Variants in TAOK1 observed in about 807,000 individuals in gnomAD.
TAOK1 encodes the protein TAO kinase 1, also known as serine/threonine-protein kinase TAO1.
Under a neutral mutation model 138.3 loss-of-function variants are expected in TAOK1, and 21 were observed. The observed-to-expected ratio is 0.15, with a 90% CI of 0.11 to 0.22. TAOK1 has a LOEUF of 0.22. Among genes scored for constraint, TAOK1 ranks in the 10% least tolerant of loss-of-function variants. TAOK1 has a pLI of 1.00. For missense variants in TAOK1, 651 were observed against 1,227.7 expected (o/e 0.53, Z 7.02); for synonymous variants, 361 against 398.4 (o/e 0.91, Z 1.12).
At chr17:29,395,824 A>ATTTTTTTTTTTTTTTTTT (rs1187461666) in intron 1 of TAOK1, among the ~76,000 whole-genome samples, 3 of 72,102 alleles carry the variant, frequency 4.2e-5, no homozygotes, top group African/African-American at 1.9e-4. Flanking sequence ...CGTCTGGCTA[A>ATTTTTTTTTTTTTTTTTT]TTTTTTTTTT....
chr17:29,477,298 A>G (rs186655614), intron 4 of TAOK1, among the ~76,000 whole-genome samples: 109 of 152,192 alleles, frequency 7.2e-4, no homozygotes, highest in African/African-American at 2.6e-3. Context: ...ATAGGTTTGT[A>G]GTAATGGAAT....
chr17:29,467,063 T>TTC, intron 2 of TAOK1, 82 bp from the exon 3 acceptor site: 1 of 1,057,278 alleles, frequency 9.5e-7, no homozygotes, highest in Non-Finnish European at 1.3e-6. Context: ...AGTTTACAAA[T>TTC]GCTTTTATAT....
chr17:29,439,020 T>C (rs908255727), intron 1 of TAOK1, among the ~76,000 whole-genome samples: 4 of 152,154 alleles, frequency 2.6e-5, no homozygotes, highest in Admixed American at 6.5e-5. Flanking sequence ...CACTTTTTTT[T>C]CCCTGAACCG....
At chr17:29,437,904 T>G (rs1906087131) in intron 1 of TAOK1, among the ~76,000 whole-genome samples, 2 of 152,030 alleles carry the variant, frequency 1.3e-5, no homozygotes, top group Non-Finnish European at 2.9e-5. Flanking sequence ...AGCTAATTTT[T>G]TGTATTTTTA....
At chr17:29,539,134 C>T (rs372925972) in intron 19 of TAOK1, among the ~76,000 whole-genome samples, 59 of 151,988 alleles carry the variant, frequency 3.9e-4, no homozygotes, top group African/African-American at 1.4e-3. Context: ...TAGTGGTGTG[C>T]GCCTGTAGTA....
chr17:29,409,431 T>C (rs1013722019), intron 1 of TAOK1, among the ~76,000 whole-genome samples: 7 of 148,804 alleles, frequency 4.7e-5, no homozygotes, highest in African/African-American at 1.7e-4. Flanking sequence ...GCCTCCCAGG[T>C]TCATGCCATT....
intron 1 of TAOK1, among the ~76,000 whole-genome samples, chr17:29,435,636 G>A (rs116775009): frequency 1.1e-4 from 16 of 152,244 alleles, no homozygotes; most frequent in Non-Finnish European, 1.8e-4. Flanking sequence ...CAAGGACTGC[G>A]AAGATGAGGG....
At chr17:29,431,970 C>G (rs1018041444) in intron 1 of TAOK1, among the ~76,000 whole-genome samples, 1 of 152,096 alleles carries the variant, frequency 6.6e-6, no homozygotes, top group African/African-American at 2.4e-5. Flanking sequence ...CCACACCCTG[C>G]TAATTTTTGT....
chr17:29,502,066 T>C (rs2031540855), intron 12 of TAOK1, among the ~76,000 whole-genome samples: 1 of 152,166 alleles, frequency 6.6e-6, no homozygotes, highest in African/African-American at 2.4e-5. Context: ...AATCAGTCAA[T>C]CTAGTCATGT....
intron 11 of TAOK1, among the ~76,000 whole-genome samples, chr17:29,496,245 C>A (rs150257533): frequency 6.6e-6 from 1 of 151,398 alleles, no homozygotes; most frequent in Non-Finnish European, 1.5e-5. Context: ...GGATTATAGG[C>A]GCGCACCACC....
intron 17 of TAOK1, among the ~76,000 whole-genome samples, chr17:29,524,519 G>A (rs549669106): frequency 6.8e-4 from 104 of 152,252 alleles, no homozygotes; most frequent in African/African-American, 2.3e-3. Context: ...ATAAAGCTTC[G>A]TTATCATAGT....
chr17:29,441,190 C>T (rs1036298081), intron 1 of TAOK1, among the ~76,000 whole-genome samples: 1 of 152,034 alleles, frequency 6.6e-6, no homozygotes, highest in Admixed American at 6.5e-5. Flanking sequence ...CACTACTGGC[C>T]CATAAAATGA....
At chr17:29,464,324 G>C (rs2030603119) in intron 2 of TAOK1, among the ~76,000 whole-genome samples, 1 of 151,178 alleles carries the variant, frequency 6.6e-6, no homozygotes, top group Admixed American at 6.6e-5. Flanking sequence ...GGCACCTGTA[G>C]TCCCAGCTAC....
intron 2 of TAOK1, among the ~76,000 whole-genome samples, chr17:29,453,696 C>A (rs539564886): frequency 6.6e-6 from 1 of 151,986 alleles, no homozygotes; most frequent in East Asian, 1.9e-4. Context: ...CCTGCCTCAA[C>A]CTCTCGAGTA....
intron 2 of TAOK1, among the ~76,000 whole-genome samples, chr17:29,462,401 C>T (rs2030552030): frequency 6.6e-6 from 1 of 152,174 alleles, no homozygotes; most frequent in Non-Finnish European, 1.5e-5. Flanking sequence ...AGATGGGTCA[C>T]ACAATAAGAA....
At chr17:29,534,074 A>T (rs972208248) in intron 18 of TAOK1, 44 bp from the exon 19 acceptor site, 4 of 1,540,216 alleles carry the variant, frequency 2.6e-6, no homozygotes, top group Non-Finnish European at 2.6e-6. Context: ...GATAGCTAAC[A>T]TTAGGATATA....
intron 3 of TAOK1, 108 bp from the exon 4 acceptor site, chr17:29,475,562 G>T (rs767614728): frequency 6.2e-5 from 46 of 742,278 alleles, no homozygotes; most frequent in Non-Finnish European, 8.8e-5. Context: ...ACCAAGCAAA[G>T]TTGCATGTTC....
rs553541204 is a variant in TAOK1, at chr17:29,543,034, A to C, written c.*12A>C. 4 of 1,540,392 alleles carry C rather than the reference A, an allele frequency of 2.6e-6. No individual in the cohort carries two copies. In the South Asian group the frequency reaches 4.9e-5, roughly 19 times the overall value. On this transcript the variant is annotated 3_prime_UTR_variant, in exon 20 of 20. Transcript: ENST00000261716. ...TGTCTTATACATAACTTAATAATTG[A>C]GAGTGGCAATTCCGCTGGAGCTGTC... is the stretch of plus-strand genomic sequence containing the variant.
intron 12 of TAOK1, 131 bp from the exon 13 acceptor site, chr17:29,502,458 C>G (rs2044208357): frequency 1.9e-6 from 2 of 1,029,450 alleles, no homozygotes; most frequent in African/African-American, 3.3e-5. Context: ...AGCATTTCTA[C>G]TTTTTGGCTT....
Sources: allele counts gnomAD v4.1 joint callset (sites outside exome capture counted in the v4.1 genomes callset), GRCh38; gene constraint gnomAD v4.1.1; transcripts MANE v1.5; gene names NCBI Gene and HGNC (gene_info 2026-07-23, HGNC 2026-07-21).